The following PHACTR1 variants were observed in gnomAD, a reference collection of about 807,000 sequenced individuals.
The protein encoded by PHACTR1 is RPEL repeat containing 1.
Under a neutral mutation model 69.2 loss-of-function variants are expected in PHACTR1, and 16 were observed. The ratio of observed to expected loss-of-function variants is 0.23; its 90% CI spans 0.16 to 0.35. PHACTR1 has a LOEUF of 0.35. Among genes scored for constraint, PHACTR1 ranks in the 10% least tolerant of loss-of-function variants. PHACTR1 has a pLI of 1.00. For synonymous variants in PHACTR1, 312 were observed against 284.5 expected (o/e 1.10, Z -0.97); for missense variants, 510 against 734.7 (o/e 0.69, Z 3.54).
intron 5 of PHACTR1, among the ~76,000 whole-genome samples, chr6:13,125,425 G>A (rs2127954373): frequency 6.6e-6 from 1 of 151,924 alleles, no homozygotes; most frequent in South Asian, 2.1e-4. Context: ...GCTTTTAGAA[G>A]TTGTTCTCAT....
At chr6:13,014,971 G>T (rs890879767) in intron 4 of PHACTR1, among the ~76,000 whole-genome samples, 5 of 152,226 alleles carry the variant, frequency 3.3e-5, no homozygotes, top group African/African-American at 1.2e-4. Context: ...GCAGCTCACC[G>T]AACAGGCTCT....
chr6:13,282,119 C>G (rs985828100), intron 12 of PHACTR1, among the ~76,000 whole-genome samples: 3 of 152,192 alleles, frequency 2.0e-5, no homozygotes, highest in African/African-American at 7.2e-5. Context: ...GTTGCAGAGT[C>G]GAAACTGCCA....
chr6:12,946,365 T>C (rs1470980927), intron 4 of PHACTR1, among the ~76,000 whole-genome samples: 1 of 152,108 alleles, frequency 6.6e-6, no homozygotes, highest in Non-Finnish European at 1.5e-5. Context: ...AAGGGTGTCA[T>C]GTACTAACCT....
chr6:12,793,042 G>T (rs934194933), intron 4 of PHACTR1, among the ~76,000 whole-genome samples: 1 of 152,050 alleles, frequency 6.6e-6, no homozygotes, highest in African/African-American at 2.4e-5. Context: ...TCCCCCTAAA[G>T]ACATGATCAA....
In PHACTR1 at chr6:13,133,607, C is replaced by T. The variant is rs552707128; in HGVS notation, c.416-26597C>T. ...CTCGCTCACTCAGTGCTCAATGTTG[C>T]CCAGGCTGGAGTGCAGTGGCGTGAT... is the stretch of plus-strand genomic sequence containing the variant. On this transcript the variant is annotated intron_variant, in intron 5 of 14. Coordinates refer to ENST00000332995, the MANE Select transcript of PHACTR1 (RefSeq NM_030948.6). Among the ~76,000 whole-genome samples the T allele has an allele frequency of 2.6e-5, 4 of 152,260 alleles. No individual in the cohort carries two copies. The South Asian group carries it at 6.2e-4, about 24-fold the overall frequency.
chr6:13,190,198 A>ATTTTTTTTTTTTTTTTT lies in PHACTR1; in HGVS notation c.664+7528_664+7529insTTTTTTTTTTTTTTTTT, dbSNP rs1215055032. Reference sequence around the variant, plus strand: ...GCCACTATGCTCAGCTAATTTTTGTATTTTTTTTTTTTTTTTAGTAGAGGT... The same window carrying ATTTTTTTTTTTTTTTTT: ...GCCACTATGCTCAGCTAATTTTTGTATTTTTTTTTTTTTTTTTTTTTTTTTTTTTTTTTAGTAGAGGT... On this transcript the variant is annotated intron_variant, in intron 7 of 14. Transcript: ENST00000332995. Among the ~76,000 whole-genome samples the ATTTTTTTTTTTTTTTTT allele has an allele frequency of 1.1e-3, 96 of 87,226 alleles. 10 individuals carry two copies. The highest frequency in any genetic ancestry group is 3.3e-3 in the East Asian group (9 of 2,700). The allele number at this position is 87,226 out of a possible 152,430, so 57.2% of individuals were successfully genotyped here. A position where few individuals can be genotyped will look rare whatever the true frequency, so the allele number is the denominator to read the frequency against.
chr6:13,010,800 A>C (rs971783646), intron 4 of PHACTR1, among the ~76,000 whole-genome samples: 3 of 151,858 alleles, frequency 2.0e-5, no homozygotes, highest in Admixed American at 2.0e-4. Context: ...GCTCGTCCTC[A>C]TTTAGATCAA....
chr6:12,880,593 T>C (rs1323192265), intron 4 of PHACTR1, among the ~76,000 whole-genome samples: 1 of 152,156 alleles, frequency 6.6e-6, no homozygotes, highest in East Asian at 1.9e-4. Context: ...TGTGCTGTAA[T>C]ACAGGTGTAC....
intron 4 of PHACTR1, among the ~76,000 whole-genome samples, chr6:12,858,776 T>C (rs1338200926): frequency 6.7e-6 from 1 of 150,164 alleles, no homozygotes; most frequent in Non-Finnish European, 1.5e-5. Flanking sequence ...ACTGCTTTTA[T>C]TTTTCTTAAA....
Position 12,762,101 on chromosome 6 carries a change from G to A in PHACTR1, c.250+12311G>A, listed in dbSNP as rs144148722. Among the ~76,000 whole-genome samples, 503 of 152,342 alleles carry A rather than the reference G, an allele frequency of 3.3e-3. 3 individuals are homozygous for A. Among genetic ancestry groups the A allele is most frequent in the African/African-American group, 0.011 (446 of 41,576 alleles). The stretch of plus-strand genomic sequence containing the variant: ...CGGGACCTATAAATGCCTTCCGGGT[G>A]TAAGGAGACTTAGTTCTAGAAACAG... On this transcript the variant is annotated intron_variant, in intron 4 of 14. Coordinates refer to ENST00000332995, the MANE Select transcript of PHACTR1 (RefSeq NM_030948.6).
In PHACTR1 at chr6:13,179,701, GAGATAGATAGATAGAT is replaced by G. The variant is rs4053020; in HGVS notation, c.497-2786_497-2771del. Among the ~76,000 whole-genome samples the G allele has an allele frequency of 3.8e-3, 557 of 148,422 alleles. No homozygotes were observed. Among genetic ancestry groups the G allele is most frequent in the African/African-American group, 9.6e-3 (383 of 39,746 alleles). On this transcript the variant is annotated intron_variant, in intron 6 of 14. Coordinates refer to ENST00000332995, the MANE Select transcript of PHACTR1 (RefSeq NM_030948.6). This position sits in a 1 kb window ranked among gnomAD's most constrained non-coding sequence, Gnocchi z 4.2. The stretch of plus-strand genomic sequence containing the variant: ...AGGTAGGTAGATAGATAAGTAGATA[GAGATAGATAGATAGAT>G]AGATAGATAGATAGATAGATAGATA...
intron 4 of PHACTR1, among the ~76,000 whole-genome samples, chr6:12,884,183 C>T (rs558122344): frequency 2.0e-5 from 3 of 152,286 alleles, no homozygotes; most frequent in South Asian, 2.1e-4. Flanking sequence ...TGTTCTCCAG[C>T]GTATCATAAG....
intron 5 of PHACTR1, among the ~76,000 whole-genome samples, chr6:13,114,777 A>C (rs895653823): frequency 3.3e-5 from 5 of 152,206 alleles, no homozygotes; most frequent in African/African-American, 1.2e-4. Flanking sequence ...CTGCTCCCCA[A>C]CAACAAAGAA....
intron 4 of PHACTR1, among the ~76,000 whole-genome samples, chr6:12,806,651 G>A (rs1774367008): frequency 6.6e-6 from 1 of 151,874 alleles, no homozygotes; most frequent in Non-Finnish European, 1.5e-5. Flanking sequence ...TTTTTAGAGA[G>A]TATAACTTCT....
At chr6:13,214,564 A>G (rs1284055087) in intron 8 of PHACTR1, among the ~76,000 whole-genome samples, 1 of 152,146 alleles carries the variant, frequency 6.6e-6, no homozygotes, top group Non-Finnish European at 1.5e-5. Context: ...ATCGTATTTG[A>G]TAGTTCAGCT....
At chr6:12,912,550 G>A (rs534432886) in intron 4 of PHACTR1, among the ~76,000 whole-genome samples, 16 of 152,176 alleles carry the variant, frequency 1.1e-4, no homozygotes, top group Non-Finnish European at 2.1e-4. Context: ...TGTTACTCAC[G>A]TTGGGCCTGT....
chr6:13,280,867 C>T, intron 12 of PHACTR1: 2 of 957,598 alleles, frequency 2.1e-6, no homozygotes, highest in Non-Finnish European at 1.4e-6. Context: ...CCGAAGGCTA[C>T]AGCCAGCACC....
chr6:12,933,707 C>T, intron 4 of PHACTR1: 1 of 1,612,826 alleles, frequency 6.2e-7, no homozygotes, highest in Non-Finnish European at 8.5e-7. Flanking sequence ...TCCTCTTGGG[C>T]TCGAACTGTG....
At chr6:12,806,636 CT>C (rs549548409) in intron 4 of PHACTR1, among the ~76,000 whole-genome samples, 5 of 150,710 alleles carry the variant, frequency 3.3e-5, no homozygotes, top group Admixed American at 2.0e-4. Flanking sequence ...GTTTTAAAAC[CT>C]TTTTTTTTAG....
Sources: gnomAD v4.1 joint callset for allele counts (sites outside exome capture counted in the v4.1 genomes callset) on GRCh38, gnomAD v4.1.1 for gene constraint, Gnocchi (gnomAD v3.1) non-coding constraint, MANE v1.5 for transcripts, NCBI Gene and HGNC (gene_info 2026-07-23, HGNC 2026-07-21) for gene names.